Variants in KCNN2 observed in about 807,000 individuals in gnomAD.
KCNN2 encodes the protein small conductance calcium-activated potassium channel protein 2.
Under a neutral mutation model 55.5 loss-of-function variants are expected in KCNN2, and 24 were observed. That is an observed-to-expected ratio of 0.43 (90% CI 0.31 to 0.61). KCNN2 has a LOEUF of 0.61. Ranked by LOEUF, KCNN2 falls within the 20% of genes least tolerant of loss-of-function variation. The pLI is 0.08. For missense variants in KCNN2, 754 were observed against 853.6 expected (o/e 0.88, Z 1.45); for synonymous variants, 431 against 336.1 (o/e 1.28, Z -3.09).
chr5:114,282,386 G>A (rs1023769335), intron 2 of KCNN2, among the ~76,000 whole-genome samples: 2 of 152,076 alleles, frequency 1.3e-5, no homozygotes, highest in Admixed American at 6.6e-5. Context: ...AGATGTTGCA[G>A]AGAACTTAAA....
chr5:114,289,082 C>A (rs1198148442), intron 2 of KCNN2, among the ~76,000 whole-genome samples: 1 of 152,134 alleles, frequency 6.6e-6, no homozygotes, highest in African/African-American at 2.4e-5. Context: ...TTTACCAGCA[C>A]CATTTGTTGG....
chr5:114,093,981 A>G (rs1440066355), intron 1 of KCNN2, among the ~76,000 whole-genome samples: 1 of 152,212 alleles, frequency 6.6e-6, no homozygotes, highest in African/African-American at 2.4e-5. Flanking sequence ...CAATCTATGT[A>G]TATATAGTGT....
rs117056940 is a variant in KCNN2, at chr5:114,418,107, G to A, written c.1637+13251G>A. Among the ~76,000 whole-genome samples the A allele has an allele frequency of 4.2e-4, 64 of 152,066 alleles. No homozygotes were observed. The East Asian group carries it at 5.6e-3, about 13-fold the overall frequency. On this transcript the variant is annotated intron_variant, in intron 3 of 7. Coordinates refer to ENST00000673685, the MANE Select transcript of KCNN2 (RefSeq NM_021614.4). ...TTGAAATTTAACCCTACAAAGGGTC[G>A]TTATGAAGAAGATTACTAATGGGAA...
chr5:114,269,649 C>T (rs1234832020), intron 2 of KCNN2, among the ~76,000 whole-genome samples: 1 of 152,084 alleles, frequency 6.6e-6, no homozygotes, highest in Admixed American at 6.6e-5. Context: ...CATTCAGGAG[C>T]CCCAGGTTCA....
intron 2 of KCNN2, among the ~76,000 whole-genome samples, chr5:114,303,579 G>C (rs552676906): frequency 6.6e-6 from 1 of 152,340 alleles, no homozygotes; most frequent in African/African-American, 2.4e-5. Context: ...GAAAGAGAAT[G>C]ACAGTACATT....
chr5:114,254,875 A>C (rs1754950807), intron 2 of KCNN2, among the ~76,000 whole-genome samples: 1 of 152,206 alleles, frequency 6.6e-6, no homozygotes, highest in Admixed American at 6.5e-5. Flanking sequence ...TTAACTCTAG[A>C]AAACCTGTAC....
chr5:114,376,623 T>C (rs1481948028), intron 2 of KCNN2, among the ~76,000 whole-genome samples: 2 of 152,242 alleles, frequency 1.3e-5, no homozygotes, highest in Non-Finnish European at 2.9e-5. Flanking sequence ...ATTAATTTGC[T>C]CACATTTCCT....
chr5:114,112,499 A>C (rs1223935570), intron 1 of KCNN2, among the ~76,000 whole-genome samples: 1 of 152,038 alleles, frequency 6.6e-6, no homozygotes, highest in Non-Finnish European at 1.5e-5. Context: ...AATAAATAAA[A>C]AGGCTTCTGG....
chr5:114,475,978 A>C (rs988763607), intron 5 of KCNN2, among the ~76,000 whole-genome samples: 2 of 152,186 alleles, frequency 1.3e-5, no homozygotes, highest in Non-Finnish European at 1.5e-5. Context: ...TTCTGGTTTC[A>C]AATTTTACAT....
chr5:114,457,208 C>T (rs1368331881), intron 3 of KCNN2, among the ~76,000 whole-genome samples: 1 of 152,100 alleles, frequency 6.6e-6, no homozygotes, highest in African/African-American at 2.4e-5. Context: ...CAGCAAGCAC[C>T]ACCCTGATCA....
chr5:114,363,377 G>A, intron 1 of KCNN2, 116 bp downstream of exon 1: 1 of 1,298,474 alleles, frequency 7.7e-7, no homozygotes, highest in Non-Finnish European at 1.0e-6. Context: ...GATCAAGGGA[G>A]CCCGCCAGGA....
chr5:114,384,949 T>G (rs537439312), intron 2 of KCNN2, among the ~76,000 whole-genome samples: 2 of 151,670 alleles, frequency 1.3e-5, no homozygotes, highest in African/African-American at 4.8e-5. Context: ...AAATAATCAT[T>G]AAGGAACTGG....
At chr5:114,470,818 A>G (rs1445299097) in intron 4 of KCNN2, among the ~76,000 whole-genome samples, 1 of 152,134 alleles carries the variant, frequency 6.6e-6, no homozygotes, top group African/African-American at 2.4e-5. Flanking sequence ...TCCTTTATCT[A>G]AAGCAGTGAC....
chr5:114,105,058 G>A (rs1358210305), intron 1 of KCNN2, among the ~76,000 whole-genome samples: 1 of 151,958 alleles, frequency 6.6e-6, no homozygotes, highest in African/African-American at 2.4e-5. Context: ...CATTCATCAC[G>A]AGTACAATTA....
chr5:114,062,459 G>A (rs992007075), intron 1 of KCNN2, among the ~76,000 whole-genome samples: 3 of 152,100 alleles, frequency 2.0e-5, no homozygotes, highest in Non-Finnish European at 2.9e-5. Flanking sequence ...CATTTTCTTC[G>A]ACTTTAAATA....
At chr5:114,181,292 C>T (rs933654401) in intron 1 of KCNN2, among the ~76,000 whole-genome samples, 1 of 152,086 alleles carries the variant, frequency 6.6e-6, no homozygotes, top group Non-Finnish European at 1.5e-5. Flanking sequence ...TAATTTTAGC[C>T]ATTCTGTTTT....
intron 2 of KCNN2, among the ~76,000 whole-genome samples, chr5:114,221,781 A>C (rs981552025): frequency 2.6e-5 from 4 of 152,208 alleles, no homozygotes; most frequent in Non-Finnish European, 5.9e-5. Context: ...CATAATAGGC[A>C]CACAAAAATA....
intron 1 of KCNN2, among the ~76,000 whole-genome samples, chr5:114,208,199 A>G (rs1753812487): frequency 6.6e-6 from 1 of 152,214 alleles, no homozygotes; most frequent in South Asian, 2.1e-4. Flanking sequence ...TGCCTCTACA[A>G]ATTCAAGATT....
intron 3 of KCNN2, among the ~76,000 whole-genome samples, chr5:114,426,229 T>C (rs1468822256): frequency 6.6e-6 from 1 of 152,158 alleles, no homozygotes; most frequent in Non-Finnish European, 1.5e-5. Flanking sequence ...CCCAATTATA[T>C]TTTGAACAAA....
Sources: gnomAD v4.1 joint callset for allele counts (sites outside exome capture counted in the v4.1 genomes callset) on GRCh38, gnomAD v4.1.1 for gene constraint, MANE v1.5 for transcripts, NCBI Gene and HGNC (gene_info 2026-07-23, HGNC 2026-07-21) for gene names.